ZNF254: variants seen among roughly 807,000 people sequenced by gnomAD.
ZNF254 encodes the protein CTD-2017D11.1.
A neutral mutation model predicts 12.4 loss-of-function variants in ZNF254; 10 were observed. The ratio of observed to expected loss-of-function variants is 0.80; its 90% confidence interval spans 0.50 to 1.36. ZNF254 has a LOEUF of 1.36. Ranked by LOEUF, ZNF254 falls within the 40% of genes most tolerant of loss-of-function variation. The pLI, the probability that ZNF254 is intolerant of heterozygous loss-of-function variation, is 0.00. For synonymous variants in ZNF254, 305 were observed against 253.4 expected (o/e 1.20, Z -1.93); for missense variants, 996 against 763.9 (o/e 1.30, Z -3.58).
chr19:24,081,904 C>T (rs895937622), intron 2 of ZNF254, among the ~76,000 whole-genome samples: 2 of 152,240 alleles, frequency 1.3e-5, no homozygotes, highest in Admixed American at 6.5e-5. Context: ...AGGTGGATCA[C>T]CTGAGGTCAG....
intron 1 of ZNF254, among the ~76,000 whole-genome samples, chr19:24,092,727 C>T (rs760309013): frequency 1.3e-5 from 2 of 152,180 alleles, no homozygotes; most frequent in Non-Finnish European, 2.9e-5. Context: ...GCATTCAAGT[C>T]GATTCCATGT....
chr19:24,070,434 G>C (rs1971441313), intron 2 of ZNF254, among the ~76,000 whole-genome samples: 1 of 152,180 alleles, frequency 6.6e-6, no homozygotes, highest in Admixed American at 6.5e-5. Flanking sequence ...AAGTTGCAAA[G>C]TTGACTCCCA....
chr19:24,051,334 A>G (rs1469439023), intron 2 of ZNF254, among the ~76,000 whole-genome samples: 1 of 151,374 alleles, frequency 6.6e-6, no homozygotes, highest in African/African-American at 2.4e-5. Context: ...TAATTTTTGT[A>G]TTTTTAGTAG....
chr19:24,045,222 T>C (rs536670301), intron 1 of ZNF254, among the ~76,000 whole-genome samples: 2 of 152,332 alleles, frequency 1.3e-5, no homozygotes, highest in African/African-American at 4.8e-5. Context: ...CCCCTGCGTT[T>C]ATCACTTTGT....
At chr19:24,044,793 G>A (rs1442230111) in intron 1 of ZNF254, among the ~76,000 whole-genome samples, 1 of 152,030 alleles carries the variant, frequency 6.6e-6, no homozygotes, top group Non-Finnish European at 1.5e-5. Context: ...TAGGAACTCT[G>A]CCCTTGACTG....
At chr19:24,116,884 CT>C (rs1974115610) in intron 3 of ZNF254, among the ~76,000 whole-genome samples, 1 of 152,070 alleles carries the variant, frequency 6.6e-6, no homozygotes, top group Non-Finnish European at 1.5e-5. Flanking sequence ...TGTGGATGTC[CT>C]TTCTGTTTGT....
At chr19:24,126,186 G>T in intron 3 of ZNF254, 68 bp from the exon 4 acceptor site, 2 of 1,116,782 alleles carry the variant, frequency 1.8e-6, no homozygotes, top group Non-Finnish European at 2.4e-6. Context: ...TTATAGGTAA[G>T]ATTTTTAAAC....
intron 2 of ZNF254, among the ~76,000 whole-genome samples, chr19:24,047,983 G>T (rs4932939): frequency 3.0e-5 from 4 of 134,266 alleles, no homozygotes; most frequent in Admixed American, 7.4e-5. Flanking sequence ...CACTGCACCC[G>T]GCTCTTTTTT....
intron 3 of ZNF254, among the ~76,000 whole-genome samples, chr19:24,124,659 T>G (rs1974707381): frequency 6.6e-6 from 1 of 152,176 alleles, no homozygotes; most frequent in African/African-American, 2.4e-5. Flanking sequence ...TTCCACAATT[T>G]TTGTCATGAC....
At chr19:24,074,441 G>C (rs187912962) in intron 2 of ZNF254, among the ~76,000 whole-genome samples, 24 of 152,288 alleles carry the variant, frequency 1.6e-4, no homozygotes, top group Admixed American at 1.4e-3. Flanking sequence ...TTTGTGCTGT[G>C]ACTCTTACTT....
chr19:24,063,614 C>T (rs183577519), intron 2 of ZNF254, among the ~76,000 whole-genome samples: 15 of 152,266 alleles, frequency 9.9e-5, no homozygotes, highest in Admixed American at 2.0e-4. Flanking sequence ...ATGTCTTCAC[C>T]AATCACCCTG....
intron 3 of ZNF254, among the ~76,000 whole-genome samples, chr19:24,124,892 G>T (rs1238578340): frequency 3.3e-5 from 5 of 151,824 alleles, no homozygotes; most frequent in African/African-American, 1.2e-4. Context: ...CCCTTCCTGG[G>T]TTCAGCCTCA....
intron 3 of ZNF254, among the ~76,000 whole-genome samples, chr19:24,110,488 C>A (rs937819178): frequency 5.3e-5 from 8 of 151,902 alleles, no homozygotes; most frequent in Non-Finnish European, 8.8e-5. Context: ...ATTAGTTGAG[C>A]CTGGGATTGT....
intron 3 of ZNF254, among the ~76,000 whole-genome samples, chr19:24,115,405 C>T (rs1244314559): frequency 6.6e-6 from 1 of 151,994 alleles, no homozygotes; most frequent in Admixed American, 6.6e-5. Flanking sequence ...AATCATCATT[C>T]TCAGTAAACT....
At position 24,102,841 on chromosome 19, in the gene ZNF254, A is replaced by C. The variant is rs190626747; in HGVS notation, c.31-3099A>C. On this transcript the variant is annotated intron_variant, in intron 1 of 3. Transcript: ENST00000357002. ...ATTCATCTACATTTCATTAAACTCTATCTGTGTCCTTCTCATCTGTCTGTA... is the reference window on the plus strand; with the variant it reads ...ATTCATCTACATTTCATTAAACTCTCTCTGTGTCCTTCTCATCTGTCTGTA... Among the ~76,000 whole-genome samples the C allele has an allele frequency of 1.9e-3, 295 of 152,274 alleles. 2 individuals carry two copies. Among genetic ancestry groups the C allele is most frequent in the Middle Eastern group, 6.8e-3 (2 of 294 alleles).
intron 1 of ZNF254, among the ~76,000 whole-genome samples, chr19:24,036,301 C>T (rs1391300416): frequency 1.3e-5 from 2 of 152,048 alleles, no homozygotes; most frequent in African/African-American, 4.8e-5. Flanking sequence ...TTGTGATCCA[C>T]CCGCCTCGGC....
At chr19:24,053,021 G>A (rs776959768) in intron 2 of ZNF254, among the ~76,000 whole-genome samples, 5 of 152,140 alleles carry the variant, frequency 3.3e-5, no homozygotes, top group Admixed American at 1.3e-4. Context: ...GGGAGGTTGC[G>A]ACACTCATAT....
chr19:24,072,137 C>G (rs1441038396), intron 2 of ZNF254, among the ~76,000 whole-genome samples: 1 of 151,520 alleles, frequency 6.6e-6, no homozygotes, highest in Admixed American at 6.6e-5. Context: ...GACCCAGCAT[C>G]TGGTGGTACC....
chr19:24,118,986 G>A (rs563197778), intron 3 of ZNF254, among the ~76,000 whole-genome samples: 21 of 151,660 alleles, frequency 1.4e-4, no homozygotes, highest in Non-Finnish European at 2.5e-4. Context: ...TGGTGGGTGC[G>A]TGTAAACCCA....
Sources: gnomAD v4.1 joint callset for allele counts (sites outside exome capture counted in the v4.1 genomes callset) on GRCh38, gnomAD v4.1.1 for gene constraint, MANE v1.5 for transcripts, NCBI Gene and HGNC (gene_info 2026-07-23, HGNC 2026-07-21) for gene names.